Variants in DIO1 observed in about 807,000 individuals in gnomAD.
DIO1 encodes type I iodothyronine deiodinase.
In DIO1, 17 loss-of-function variants were observed where a neutral mutation model predicts 25.9. The ratio of observed to expected loss-of-function variants is 0.66; its 90% CI spans 0.45 to 0.98. The LOEUF is 0.98. Among genes scored for constraint, DIO1 ranks in the 50% least tolerant of loss-of-function variants. The probability of loss-of-function intolerance (pLI) is 0.00; values close to 1 mark genes in which losing one functional copy is unlikely to be tolerated. For missense variants in DIO1, 270 were observed against 310.4 expected (o/e 0.87, Z 0.98); for synonymous variants, 115 against 114.0 (o/e 1.01, Z -0.05).
chr1:53,910,254 C>T lies in DIO1; in HGVS notation c.*255C>T, dbSNP rs1299216725. 3 of 478,914 alleles carry T rather than the reference C, an allele frequency of 6.3e-6. No individual in the cohort carries two copies. The highest frequency in any genetic ancestry group is 1.1e-5 in the Non-Finnish European group (3 of 262,076). 29.7% of individuals were successfully genotyped at this position (478,914 alleles called of 1,614,324 possible). A position where few individuals can be genotyped will look rare whatever the true frequency, so the allele number is the denominator to read the frequency against. ...CAGTTCCCTGTTGAAGAAACAGTTCCCTGTTGAAGAAAGTAGAGCCTGACA... is the reference window on the plus strand; with the variant it reads ...CAGTTCCCTGTTGAAGAAACAGTTCTCTGTTGAAGAAAGTAGAGCCTGACA... On this transcript the variant is annotated 3_prime_UTR_variant, in exon 4 of 4. Coordinates refer to ENST00000361921, the MANE Select transcript of DIO1 (RefSeq NM_000792.7).
intron 1 of DIO1, among the ~76,000 whole-genome samples, chr1:53,904,122 A>G (rs1651518702): frequency 6.6e-6 from 1 of 152,154 alleles, no homozygotes; most frequent in African/African-American, 2.4e-5. Flanking sequence ...AATTTATTTA[A>G]TCCTCCTAAC....
intron 3 of DIO1, among the ~76,000 whole-genome samples, chr1:53,909,142 G>A (rs981002898): frequency 8.0e-5 from 12 of 150,468 alleles, no homozygotes; most frequent in Admixed American, 2.0e-4. Flanking sequence ...ATGGCCGGGC[G>A]TGGTGGCTCA....
Position 53,910,033 on chromosome 1 carries a change from G to C in DIO1, c.*34G>C, listed in dbSNP as rs114860598. The C allele has an allele frequency of 3.1e-6, 5 of 1,592,086 alleles. No homozygotes were observed. The highest frequency in any genetic ancestry group is 4.3e-6 in the Non-Finnish European group (5 of 1,160,078). On this transcript the variant is annotated 3_prime_UTR_variant, in exon 4 of 4. Coordinates refer to ENST00000361921, the MANE Select transcript of DIO1 (RefSeq NM_000792.7). The stretch of plus-strand genomic sequence containing the variant: ...GATACCTCAATTCTAGGTGACCAAC[G>C]GGAGGGCTTCTCAAGGCTTAGCTCT...
At chr1:53,908,610 G>C (rs148853087) in intron 3 of DIO1, among the ~76,000 whole-genome samples, 1 of 152,274 alleles carries the variant, frequency 6.6e-6, no homozygotes, top group Non-Finnish European at 1.5e-5. Context: ...TGAGCACAGT[G>C]AGTGAAAATC....
At position 53,894,400 on chromosome 1, in the gene DIO1, A is replaced by G. The variant is rs775385417; in HGVS notation, c.190A>G (p.Thr64Ala). 6.8e-6 allele frequency: 11 copies of G among 1,614,036 alleles called. No homozygotes were observed. Among genetic ancestry groups the G allele is most frequent in the East Asian group, 2.2e-5 (1 of 44,892 alleles). ...PHFSHDNWIP[T>A]FFSTQYFWFV... ...TTTCAGCCACGACAACTGGATACCA[A>G]CCTTTTTCAGCACCCAGTATTTCTG... Residue 64 changes from threonine (T) to alanine (A), a missense_variant, in exon 1 of 4, where the codon ACC becomes GCC. Thr to Ala is a moderately conservative substitution (Grantham distance 58, BLOSUM62 0). Transcript: ENST00000361921. The surrounding 1 kb of genome is among the most constrained non-coding windows in gnomAD (Gnocchi z 4.9).
At chr1:53,904,855 T>C in intron 2 of DIO1, 46 bp downstream of exon 2, 2 of 1,576,830 alleles carry the variant, frequency 1.3e-6, no homozygotes, top group Non-Finnish European at 1.7e-6. Flanking sequence ...CACTGTCTTT[T>C]CTCTCTCCCT....
Position 53,910,146 on chromosome 1 carries a change from C to A in DIO1, c.*147C>A. The A allele has an allele frequency of 1.5e-6, 1 of 683,076 alleles. No homozygotes were observed. The highest frequency in any genetic ancestry group is 1.7e-5 in the South Asian group (1 of 59,978). The allele number at this position is 683,076 out of a possible 1,614,324, so 42.3% of individuals were successfully genotyped here. A position where few individuals can be genotyped will look rare whatever the true frequency, so the allele number is the denominator to read the frequency against. On this transcript the variant is annotated 3_prime_UTR_variant, in exon 4 of 4. Transcript: ENST00000361921. ...TTTTCTGATCTAAGCAAACAACTCCCAGCTGAGGAATGCAGGCCACAGCAC... is the reference window on the plus strand; with the variant it reads ...TTTTCTGATCTAAGCAAACAACTCCAAGCTGAGGAATGCAGGCCACAGCAC...
Position 53,906,258 on chromosome 1 carries a change from G to T in DIO1, c.645G>T (p.Arg215Ser). ...AGCTCTACGCAGCACTGCCTGAGAG[G>T]CTCTACATAATCCAGGAGGGCAGGA... ...SSQLYAALPE[R>S]LYIIQEGRIL... The change falls in exon 3 of 4, where the codon AGG becomes AGT. Residue 215 changes from arginine (R) to serine (S), a missense_variant. Coordinates refer to ENST00000361921, the MANE Select transcript of DIO1 (RefSeq NM_000792.7). 1 of 1,613,886 alleles carries T rather than the reference G, an allele frequency of 6.2e-7. No individual in the cohort carries two copies. The highest frequency in any genetic ancestry group is 8.5e-7 in the Non-Finnish European group (1 of 1,179,922).
intron 3 of DIO1, among the ~76,000 whole-genome samples, chr1:53,908,225 AAAAAAAAG>A (rs1389782318): frequency 6.6e-6 from 1 of 152,094 alleles, no homozygotes; most frequent in African/African-American, 2.4e-5. Context: ...CCGTCTCAAA[AAAAAAAAG>A]AAAAAAAGAA....
intron 1 of DIO1, among the ~76,000 whole-genome samples, chr1:53,903,423 G>A (rs1223766387): frequency 2.6e-5 from 4 of 151,732 alleles, no homozygotes; most frequent in African/African-American, 9.7e-5. Context: ...ACACACACTC[G>A]GTCTCTGGGG....
chr1:53,902,305 A>G lies in DIO1; in HGVS notation c.338-2361A>G, dbSNP rs1045242175. On this transcript the variant is annotated intron_variant, in intron 1 of 3. Transcript: ENST00000361921. ...AGCCTCTCTCGTAACACTGATCACAATTTGAAACTTCTTCATTTACGCATT... is the reference window on the plus strand; with the variant it reads ...AGCCTCTCTCGTAACACTGATCACAGTTTGAAACTTCTTCATTTACGCATT... 2.0e-4 allele frequency among the ~76,000 whole-genome samples: 31 copies of G among 151,802 alleles called. 1 individual carries two copies. The highest frequency in any genetic ancestry group is 7.5e-4 in the African/African-American group (31 of 41,108).
At chr1:53,896,399 G>A (rs1651083104) in intron 1 of DIO1, among the ~76,000 whole-genome samples, 2 of 151,752 alleles carry the variant, frequency 1.3e-5, no homozygotes. Context: ...TGCATTTTTT[G>A]TAGAGGTGGG....
Position 53,906,249 on chromosome 1 carries a change from G to A in DIO1, c.636G>A (p.Leu212=), listed in dbSNP as rs1333858345. The change falls in exon 3 of 4, where the codon CTG becomes CTA. Residue 212 remains leucine, a synonymous_variant. Coordinates refer to ENST00000361921, the MANE Select transcript of DIO1 (RefSeq NM_000792.7). ...QNQSSQLYAA[L]PERLYIIQEG... ...AGAGCAGCCAGCTCTACGCAGCACTGCCTGAGAGGCTCTACATAATCCAGG... is the reference window on the plus strand; with the variant it reads ...AGAGCAGCCAGCTCTACGCAGCACTACCTGAGAGGCTCTACATAATCCAGG... 2 of 1,614,072 alleles carry A rather than the reference G, an allele frequency of 1.2e-6. No homozygotes were observed. The highest frequency in any genetic ancestry group is 1.7e-5 in the Admixed American group (1 of 60,010).
At position 53,896,210 on chromosome 1, in the gene DIO1, CT is replaced by C. The variant is rs199555423; in HGVS notation, c.337+1688del. Among the ~76,000 whole-genome samples the C allele has an allele frequency of 6.7e-3, 691 of 103,566 alleles. 3 individuals carry two copies. The highest frequency in any genetic ancestry group is 0.018 in the African/African-American group (451 of 25,138). 67.9% of individuals were successfully genotyped at this position (103,566 alleles called of 152,430 possible). On this transcript the variant is annotated intron_variant, in intron 1 of 3. Transcript: ENST00000361921. Reference sequence around the variant, plus strand: ...GTGTTTTTCTTGTTTTTCTTTTTCTCTTTTTTTTTTTTTTTTTTTTTTTTTG... The same window carrying C: ...GTGTTTTTCTTGTTTTTCTTTTTCTCTTTTTTTTTTTTTTTTTTTTTTTTG...
intron 3 of DIO1, among the ~76,000 whole-genome samples, chr1:53,908,495 C>G (rs1651777225): frequency 6.6e-6 from 1 of 152,200 alleles, no homozygotes; most frequent in South Asian, 2.1e-4. Context: ...GGCATCAGGA[C>G]TAACCTGGCT....
rs750647907 is a variant in DIO1, at chr1:53,906,240, C to T, written c.627C>T (p.Tyr209=). ...TGCAGAACCAGAGCAGCCAGCTCTA[C>T]GCAGCACTGCCTGAGAGGCTCTACA... The part of the protein sequence containing the change: ...DTMQNQSSQL[Y]AALPERLYII... Residue 209 remains tyrosine (Y), a synonymous_variant, in exon 3 of 4, where the codon TAC becomes TAT. Coordinates refer to ENST00000361921, the MANE Select transcript of DIO1 (RefSeq NM_000792.7). The T allele has an allele frequency of 9.3e-6, 15 of 1,614,026 alleles. No individual in the cohort carries two copies. The highest frequency in any genetic ancestry group is 2.2e-5 in the East Asian group (1 of 44,902).
intron 1 of DIO1, 104 bp from the exon 2 acceptor site, chr1:53,904,562 A>AGG (rs3215500): frequency 6.5e-6 from 9 of 1,393,688 alleles, no homozygotes; most frequent in Middle Eastern, 2.3e-4. Context: ...GGTGGGGGGT[A>AGG]GGGGGAAATA....
Position 53,894,574 on chromosome 1 carries a change from G to C in DIO1, c.337+27G>C. 6.3e-7 allele frequency: 1 copy of C among 1,586,314 alleles called. No individual in the cohort carries two copies. The highest frequency in any genetic ancestry group is 8.6e-7 in the Non-Finnish European group (1 of 1,163,978). On this transcript the variant is annotated intron_variant, in intron 1 of 3. Coordinates refer to ENST00000361921, the MANE Select transcript of DIO1 (RefSeq NM_000792.7). The surrounding 1 kb of genome is among the most constrained non-coding windows in gnomAD (Gnocchi z 4.9). ...TCAGGAGGCTGCCACACACTTGAGG[G>C]GTGCTTGAAATAGCAGTGGTAGAGG...
chr1:53,905,874 C>G (rs545255016), intron 2 of DIO1, among the ~76,000 whole-genome samples: 4 of 152,332 alleles, frequency 2.6e-5, no homozygotes, highest in Non-Finnish European at 4.4e-5. Context: ...GACTATTTCA[C>G]GTTGAAGAGC....
Sources: allele counts gnomAD v4.1 joint callset (sites outside exome capture counted in the v4.1 genomes callset), GRCh38; gene constraint gnomAD v4.1.1; non-coding constraint Gnocchi (gnomAD v3.1); transcripts MANE v1.5; gene names NCBI Gene and HGNC (gene_info 2026-07-23, HGNC 2026-07-21).